Variants in PPP1R21 observed in about 807,000 individuals in gnomAD.
PPP1R21 encodes protein phosphatase 1 regulatory subunit 21.
PPP1R21 carries 85 observed loss-of-function variants against 112.8 expected under a neutral mutation model. The observed-to-expected ratio is 0.75, with a 90% CI of 0.63 to 0.90. The LOEUF is 0.90. PPP1R21 is among the 40% of genes least tolerant of loss of function. The pLI is 0.00. For missense variants in PPP1R21, 1,199 were observed against 901.5 expected (o/e 1.33, Z -4.23); for synonymous variants, 381 against 322.3 (o/e 1.18, Z -1.95).
At chr2:48,477,938 T>A (rs1011657811) in intron 12 of PPP1R21, among the ~76,000 whole-genome samples, 2 of 152,218 alleles carry the variant, frequency 1.3e-5, no homozygotes, top group Non-Finnish European at 1.5e-5. Context: ...GATGAGGTCA[T>A]ACTGGATTAA....
At chr2:48,485,093 C>G (rs925140447) in intron 13 of PPP1R21, among the ~76,000 whole-genome samples, 3 of 151,918 alleles carry the variant, frequency 2.0e-5, no homozygotes, top group Non-Finnish European at 4.4e-5. Flanking sequence ...TAGTTCAACC[C>G]CTATGGAAAG....
intron 9 of PPP1R21, among the ~76,000 whole-genome samples, chr2:48,467,873 ACATGTGTGCTGTAAGTGCCT>A (rs1668274782): frequency 6.6e-6 from 1 of 152,204 alleles, no homozygotes; most frequent in South Asian, 2.1e-4. Context: ...AAATTGCTAT[ACATGTGTGCTGTAAGTGCCT>A]CATGATGTGG....
intron 13 of PPP1R21, among the ~76,000 whole-genome samples, chr2:48,482,729 A>G (rs1572868936): frequency 6.6e-6 from 1 of 151,538 alleles, no homozygotes; most frequent in Non-Finnish European, 1.5e-5. Context: ...ATATAGACCA[A>G]CGTTTCCCAA....
At chr2:48,483,195 C>CTTTTTTTTTTTTTTTTTT (rs755036470) in intron 13 of PPP1R21, among the ~76,000 whole-genome samples, 1 of 80,890 alleles carries the variant, frequency 1.2e-5, no homozygotes, top group Non-Finnish European at 2.1e-5. Context: ...CTTTTTTTTC[C>CTTTTTTTTTTTTTTTTTT]TTTTTTTTTT....
At chr2:48,499,156 C>G (rs1669986886) in intron 17 of PPP1R21, among the ~76,000 whole-genome samples, 1 of 151,948 alleles carries the variant, frequency 6.6e-6, no homozygotes, top group South Asian at 2.1e-4. Flanking sequence ...AACACGCAGG[C>G]CACAGTAACC....
chr2:48,475,021 T>C (rs1668687704), intron 12 of PPP1R21, among the ~76,000 whole-genome samples: 1 of 152,298 alleles, frequency 6.6e-6, no homozygotes, highest in South Asian at 2.1e-4. Flanking sequence ...GTTTTCTATT[T>C]ATATAATGGA....
chr2:48,511,850 G>A (rs1478591738), intron 21 of PPP1R21, among the ~76,000 whole-genome samples: 4 of 151,824 alleles, frequency 2.6e-5, no homozygotes, highest in Admixed American at 6.6e-5. Flanking sequence ...CAGCCTGTGC[G>A]ACAGAGTGAG....
At chr2:48,469,379 GCATATATATAT>G (rs1558456801) in intron 9 of PPP1R21, among the ~76,000 whole-genome samples, 14 of 61,418 alleles carry the variant, frequency 2.3e-4, no homozygotes, top group African/African-American at 3.6e-4. Flanking sequence ...TATATATATA[GCATATATATAT>G]AGAGCATATA....
At chr2:48,449,877 C>G (rs1047679122) in intron 1 of PPP1R21, among the ~76,000 whole-genome samples, 1 of 151,736 alleles carries the variant, frequency 6.6e-6, no homozygotes, top group Non-Finnish European at 1.5e-5. Flanking sequence ...AGTCTGTAAA[C>G]CTTTTGCTTC....
At chr2:48,503,076 A>G (rs184328173) in intron 17 of PPP1R21, among the ~76,000 whole-genome samples, 3 of 152,160 alleles carry the variant, frequency 2.0e-5, no homozygotes, top group Non-Finnish European at 4.4e-5. Context: ...TCAGCCACCT[A>G]TTATATATTA....
intron 9 of PPP1R21, among the ~76,000 whole-genome samples, chr2:48,469,278 T>C (rs1362985358): frequency 2.4e-5 from 1 of 41,538 alleles, no homozygotes; most frequent in African/African-American, 8.8e-5. Flanking sequence ...TGTGTGTGTG[T>C]GTGTGTGTGT....
chr2:48,493,642 A>G (rs1669671296), intron 15 of PPP1R21, among the ~76,000 whole-genome samples: 1 of 152,184 alleles, frequency 6.6e-6, no homozygotes, highest in African/African-American at 2.4e-5. Flanking sequence ...TTCATCCAGA[A>G]TTTATTCTGA....
chr2:48,461,347 G>T, intron 7 of PPP1R21, 115 bp downstream of exon 7: 2 of 1,331,866 alleles, frequency 1.5e-6, no homozygotes, highest in South Asian at 3.9e-5. Flanking sequence ...CCCCACAGAA[G>T]ATTGCTTTCT....
intron 13 of PPP1R21, among the ~76,000 whole-genome samples, chr2:48,486,060 C>T (rs993078316): frequency 6.6e-6 from 1 of 151,044 alleles, no homozygotes; most frequent in Non-Finnish European, 1.5e-5. Flanking sequence ...TAACCACAGG[C>T]CTTTATTGTA....
rs758131327 is a variant in PPP1R21 at position 48,465,620 on chromosome 2, C to G, written c.875C>G (p.Thr292Ser). ...TTTCCTGTTGATTCTGCCATTGACA[C>G]TATATCTCCATTGAATCAGAAGGTA... Reference protein sequence around the residue: ...QIFPVDSAIDTISPLNQKFSQ... With the variant: ...QIFPVDSAIDSISPLNQKFSQ... Residue 292 changes from threonine to serine, a missense_variant, in exon 9 of 22, where the codon ACT becomes AGT. Transcript: ENST00000294952. The G allele has an allele frequency of 1.2e-6, 2 of 1,612,128 alleles. No individual in the cohort carries two copies. Among genetic ancestry groups the G allele is most frequent in the Admixed American group, 1.7e-5 (1 of 59,550 alleles).
rs1284536999 is a variant in PPP1R21, at chr2:48,460,334, C to G, written c.599+181C>G. Among the ~76,000 whole-genome samples, 4 of 152,044 alleles carry G rather than the reference C, an allele frequency of 2.6e-5. 1 individual carries two copies. The South Asian group carries it at 8.3e-4, about 32-fold the overall frequency. ...CCCTAAGCATTCTTGATAGAGTGGCCTGTGTATTAGTTCTCAGCCTGCAAG... is the reference window on the plus strand; with the variant it reads ...CCCTAAGCATTCTTGATAGAGTGGCGTGTGTATTAGTTCTCAGCCTGCAAG... On this transcript the variant is annotated intron_variant, in intron 6 of 21. Transcript: ENST00000294952.
intron 1 of PPP1R21, among the ~76,000 whole-genome samples, chr2:48,448,894 A>G (rs1317970188): frequency 6.6e-6 from 1 of 152,198 alleles, no homozygotes; most frequent in Non-Finnish European, 1.5e-5. Flanking sequence ...ATTGTACCTC[A>G]AAAGCAACCA....
intron 17 of PPP1R21, among the ~76,000 whole-genome samples, chr2:48,502,876 T>G (rs1670188120): frequency 6.6e-6 from 1 of 151,986 alleles, no homozygotes; most frequent in Non-Finnish European, 1.5e-5. Context: ...GAGACGGGGT[T>G]TCACTTTGTT....
At position 48,487,497 on chromosome 2, in the gene PPP1R21, T is replaced by A. The variant is rs1669358361; in HGVS notation, c.1446+739T>A. Among the ~76,000 whole-genome samples the A allele has an allele frequency of 2.0e-5, 3 of 152,148 alleles. No homozygotes were observed. The South Asian group carries it at 6.2e-4, about 32-fold the overall frequency. On this transcript the variant is annotated intron_variant, in intron 14 of 21. Transcript: ENST00000294952. ...CCTTTGATAAGCCAGGTGCTGTGGCTCACACCTGTAATCCCAGCACTTCGA... is the reference window on the plus strand; with the variant it reads ...CCTTTGATAAGCCAGGTGCTGTGGCACACACCTGTAATCCCAGCACTTCGA...
Sources: allele counts gnomAD v4.1 joint callset (sites outside exome capture counted in the v4.1 genomes callset), GRCh38; gene constraint gnomAD v4.1.1; transcripts MANE v1.5; gene names NCBI Gene and HGNC (gene_info 2026-07-23, HGNC 2026-07-21).